Variants in CHAF1A observed in about 807,000 individuals in gnomAD.
The protein encoded by CHAF1A is CAF-1 subunit A.
CHAF1A carries 5 observed loss-of-function variants against 93.2 expected under a neutral mutation model. The observed-to-expected ratio is 0.05, with a 90% confidence interval of 0.03 to 0.11. CHAF1A has a LOEUF of 0.11. Ranked by LOEUF, CHAF1A falls within the 10% of genes least tolerant of loss-of-function variation. The pLI, the probability that CHAF1A is intolerant of heterozygous loss-of-function variation, is 1.00. For missense variants in CHAF1A, 1,102 were observed against 1,259.9 expected (o/e 0.87, Z 1.90); for synonymous variants, 504 against 510.3 (o/e 0.99, Z 0.17).
chr19:4,447,702 A>G, downstream of CHAF1A: 2 of 1,457,660 alleles, frequency 1.4e-6, no homozygotes, highest in Non-Finnish European at 1.9e-6. Context: ...TGCTCCAGGT[A>G]ACAGCAGCTC....
chr19:4,420,695 C>T (rs1973976460), intron 4 of CHAF1A, among the ~76,000 whole-genome samples: 1 of 152,130 alleles, frequency 6.6e-6, no homozygotes, highest in Admixed American at 6.5e-5. Flanking sequence ...TAATCCCACA[C>T]TTTGGGAGGC....
chr19:4,432,639 G>T (rs1448936525), intron 12 of CHAF1A, among the ~76,000 whole-genome samples: 3 of 151,828 alleles, frequency 2.0e-5, no homozygotes, highest in African/African-American at 7.3e-5. Flanking sequence ...ACGCACCTGT[G>T]ATCCCAGCTA....
At chr19:4,437,537 G>GT (rs1974307480) in intron 13 of CHAF1A, among the ~76,000 whole-genome samples, 1 of 152,006 alleles carries the variant, frequency 6.6e-6, no homozygotes. Flanking sequence ...ATTCTGTAGA[G>GT]ACAGGGTCTA....
downstream of CHAF1A, chr19:4,446,055 G>C: frequency 6.2e-7 from 1 of 1,611,066 alleles, no homozygotes; most frequent in Non-Finnish European, 8.5e-7. Context: ...TCACCAGCCC[G>C]CACTCGTTCA....
At chr19:4,406,183 C>T (rs1397732378) in intron 2 of CHAF1A, among the ~76,000 whole-genome samples, 1 of 152,106 alleles carries the variant, frequency 6.6e-6, no homozygotes, top group Non-Finnish European at 1.5e-5. Context: ...TTGTAACTTG[C>T]AGCTGGGAGC....
At chr19:4,445,862 T>C, downstream of CHAF1A, 1 of 1,078,580 alleles carries the variant, frequency 9.3e-7, no homozygotes, top group South Asian at 1.6e-5. Context: ...AACTGAGGCG[T>C]GGAGTAGTTA....
chr19:4,418,796 C>T (rs1009969542), intron 4 of CHAF1A, among the ~76,000 whole-genome samples: 1 of 152,098 alleles, frequency 6.6e-6, no homozygotes, highest in African/African-American at 2.4e-5. Context: ...CCTTTAGTGA[C>T]TCTCTGCTTA....
rs551850015 is a variant in CHAF1A, at chr19:4,403,448, G to A, written c.52+634G>A. Among the ~76,000 whole-genome samples, 6 of 152,364 alleles carry A rather than the reference G, an allele frequency of 3.9e-5. No homozygotes were observed. The South Asian group carries it at 6.2e-4, about 16-fold the overall frequency. Reference sequence around the variant, plus strand: ...GAAGACCAGACTGTCCCTCTCCCTTGCTGGACTCTGCATTACATAACGCTT... The same window carrying A: ...GAAGACCAGACTGTCCCTCTCCCTTACTGGACTCTGCATTACATAACGCTT... On this transcript the variant is annotated intron_variant, in intron 1 of 14. Transcript: ENST00000301280.
At chr19:4,417,956 T>G in intron 3 of CHAF1A, 64 bp from the exon 4 acceptor site, 1 of 1,198,902 alleles carries the variant, frequency 8.3e-7, no homozygotes, top group Non-Finnish European at 1.2e-6. Context: ...CCTGGAAAGG[T>G]TTCTCTTTTT....
chr19:4,431,808 G>T, intron 11 of CHAF1A, 144 bp from the exon 12 acceptor site: 1 of 961,824 alleles, frequency 1.0e-6, no homozygotes, highest in East Asian at 2.5e-5. Context: ...GGTGTGCTCT[G>T]CCCTGGCCCT....
chr19:4,442,373 G>T (rs1419403676), intron 14 of CHAF1A, 32 bp downstream of exon 14: 1 of 1,521,482 alleles, frequency 6.6e-7, no homozygotes. Context: ...AGAACGCACT[G>T]GTGAGGTGGG....
intron 3 of CHAF1A, among the ~76,000 whole-genome samples, chr19:4,411,583 T>C (rs1289705462): frequency 7.7e-6 from 1 of 130,576 alleles, no homozygotes; most frequent in Admixed American, 7.3e-5. Context: ...CCTGAGAAGA[T>C]GAAAAAGGAA....
At chr19:4,447,403 C>T (rs917152851), downstream of CHAF1A, 8 of 803,412 alleles carry the variant, frequency 1.0e-5, no homozygotes, top group East Asian at 2.6e-5. Context: ...CTGCTACCTT[C>T]TACTGGCCGA....
chr19:4,446,528 C>A (rs1326741253), downstream of CHAF1A: 1 of 1,611,672 alleles, frequency 6.2e-7, no homozygotes, highest in East Asian at 2.2e-5. Context: ...TTGATCTCCT[C>A]TGCTGTGAGG....
intron 13 of CHAF1A, among the ~76,000 whole-genome samples, chr19:4,439,306 G>A (rs955901160): frequency 1.1e-4 from 17 of 152,032 alleles, no homozygotes; most frequent in Non-Finnish European, 1.0e-4. Context: ...AGACAAAAAG[G>A]CACAAATGTT....
intron 13 of CHAF1A, among the ~76,000 whole-genome samples, chr19:4,439,395 CTG>C (rs1350999268): frequency 6.6e-6 from 1 of 152,190 alleles, no homozygotes; most frequent in African/African-American, 2.4e-5. Flanking sequence ...TCCTCCGTGT[CTG>C]TGTTTAGCAC....
rs1272090860 is a variant in CHAF1A, at chr19:4,422,131, T to TC, written c.1018-431dup. On this transcript the variant is annotated intron_variant, in intron 4 of 14. Coordinates refer to ENST00000301280, the MANE Select transcript of CHAF1A (RefSeq NM_005483.3). This position sits in a 1 kb window ranked among gnomAD's most constrained non-coding sequence, Gnocchi z 4.6. The stretch of plus-strand genomic sequence containing the variant: ...TTCAAGCAATTCTTCTGCCTCAGCC[T>TC]CCCCAGTAGCTGGGATTACAGGCGC... Among the ~76,000 whole-genome samples the TC allele has an allele frequency of 1.3e-5, 2 of 151,992 alleles. No individual in the cohort carries two copies. Among genetic ancestry groups the TC allele is most frequent in the East Asian group, 3.9e-4 (2 of 5,170 alleles).
intron 1 of CHAF1A, among the ~76,000 whole-genome samples, chr19:4,405,281 A>G (rs1973659065): frequency 6.6e-6 from 1 of 152,208 alleles, no homozygotes; most frequent in Non-Finnish European, 1.5e-5. Flanking sequence ...AATGCCACAA[A>G]GAAAATAAAA....
At chr19:4,429,167 C>A in intron 8 of CHAF1A, 1 of 591,110 alleles carries the variant, frequency 1.7e-6, no homozygotes, top group Non-Finnish European at 3.0e-6. Flanking sequence ...CTCGCTCTTG[C>A]AAATCTCATT....
Sources: allele counts gnomAD v4.1 joint callset (sites outside exome capture counted in the v4.1 genomes callset), GRCh38; gene constraint gnomAD v4.1.1; non-coding constraint Gnocchi (gnomAD v3.1); transcripts MANE v1.5; gene names NCBI Gene and HGNC (gene_info 2026-07-23, HGNC 2026-07-21).